The following ADGRL2 variants were observed in gnomAD, a reference collection of about 807,000 sequenced individuals.
ADGRL2 encodes adhesion G protein-coupled receptor L2.
Under a neutral mutation model 157.4 loss-of-function variants are expected in ADGRL2, and 44 were observed. The observed-to-expected ratio is 0.28, with a 90% CI of 0.22 to 0.36. ADGRL2 has a LOEUF of 0.36. ADGRL2 is among the 10% of genes least tolerant of loss of function. The pLI, the probability that ADGRL2 is intolerant of heterozygous loss-of-function variation, is 1.00. For missense variants in ADGRL2, 1,510 were observed against 1,768.9 expected (o/e 0.85, Z 2.63); for synonymous variants, 585 against 624.7 (o/e 0.94, Z 0.95).
intron 1 of ADGRL2, among the ~76,000 whole-genome samples, chr1:81,803,212 C>A (rs930624659): frequency 1.3e-5 from 2 of 151,972 alleles, no homozygotes; most frequent in Non-Finnish European, 2.9e-5. Flanking sequence ...CCCGCGCTGC[C>A]CGAGCGTGGG....
At chr1:81,399,895 A>G (rs1276331804) in intron 1 of ADGRL2, among the ~76,000 whole-genome samples, 1 of 152,038 alleles carries the variant, frequency 6.6e-6, no homozygotes, top group Admixed American at 6.5e-5. Context: ...ATGTCTGTGC[A>G]TCTGGTGGAG....
chr1:81,403,040 A>G (rs2076784531), intron 1 of ADGRL2, among the ~76,000 whole-genome samples: 1 of 152,248 alleles, frequency 6.6e-6, no homozygotes, highest in Non-Finnish European at 1.5e-5. Flanking sequence ...TGTAATAAAA[A>G]CTGTGACAAG....
At chr1:81,630,614 T>TTCCACAATGAAACCAGCA (rs1553132617) in intron 3 of ADGRL2, among the ~76,000 whole-genome samples, 1 of 152,206 alleles carries the variant, frequency 6.6e-6, no homozygotes, top group Non-Finnish European at 1.5e-5. Flanking sequence ...ATTTTAAACT[T>TTCCACAATGAAACCAGCA]TCCACAATGA....
intron 3 of ADGRL2, among the ~76,000 whole-genome samples, chr1:81,911,393 A>G (rs950240056): frequency 2.6e-5 from 4 of 152,172 alleles, no homozygotes; most frequent in African/African-American, 7.2e-5. Flanking sequence ...AAATCCTACT[A>G]TTACTTTGAA....
chr1:81,376,901 AC>A (rs1306197542), intron 1 of ADGRL2, among the ~76,000 whole-genome samples: 1 of 152,160 alleles, frequency 6.6e-6, no homozygotes, highest in Non-Finnish European at 1.5e-5. Context: ...ATCCAAAACA[AC>A]CAGGCTTGAT....
chr1:81,418,199 A>G (rs1481000885), intron 1 of ADGRL2, among the ~76,000 whole-genome samples: 1 of 136,968 alleles, frequency 7.3e-6, no homozygotes, highest in Non-Finnish European at 1.6e-5. Context: ...AACAAACAAA[A>G]AGGAATAGAT....
intron 8 of ADGRL2, among the ~76,000 whole-genome samples, chr1:81,951,365 T>A (rs1001766306): frequency 8.5e-5 from 13 of 152,170 alleles, no homozygotes; most frequent in Admixed American, 8.5e-4. Flanking sequence ...CATATTTAGT[T>A]CTGTTTCTTT....
intron 1 of ADGRL2, among the ~76,000 whole-genome samples, chr1:81,405,330 GC>G (rs1434787067): frequency 2.6e-5 from 4 of 152,102 alleles, no homozygotes; most frequent in Admixed American, 2.6e-4. Flanking sequence ...TGGATGTACT[GC>G]CACATATTCA....
intron 2 of ADGRL2, among the ~76,000 whole-genome samples, chr1:81,762,826 G>C (rs999318147): frequency 2.0e-5 from 3 of 152,026 alleles, no homozygotes; most frequent in Non-Finnish European, 4.4e-5. Flanking sequence ...GCCGAGGCAG[G>C]CAGATCACGA....
chr1:81,961,760 T>C (rs2149227441), intron 11 of ADGRL2, among the ~76,000 whole-genome samples: 1 of 152,272 alleles, frequency 6.6e-6, no homozygotes, highest in Non-Finnish European at 1.5e-5. Context: ...TCCGCCTGCC[T>C]CAGCCTCCCA....
chr1:81,313,829 T>C (rs904183337), intron 1 of ADGRL2, among the ~76,000 whole-genome samples: 2 of 152,160 alleles, frequency 1.3e-5, no homozygotes, highest in African/African-American at 4.8e-5. Flanking sequence ...AAACACAGAC[T>C]GCCATTGATT....
chr1:81,959,194 T>C (rs1447416345), intron 11 of ADGRL2, among the ~76,000 whole-genome samples: 1 of 152,180 alleles, frequency 6.6e-6, no homozygotes, highest in African/African-American at 2.4e-5. Flanking sequence ...ATTTTATTTT[T>C]AGTGGTTCTT....
intron 1 of ADGRL2, among the ~76,000 whole-genome samples, chr1:81,416,350 C>T (rs2077034641): frequency 1.3e-5 from 2 of 149,188 alleles, no homozygotes; most frequent in Admixed American, 6.7e-5. Context: ...AAAGAAAAAA[C>T]ACAAAATTTA....
intron 2 of ADGRL2, among the ~76,000 whole-genome samples, chr1:81,879,962 G>A (rs2093944682): frequency 6.6e-6 from 1 of 152,172 alleles, no homozygotes; most frequent in Non-Finnish European, 1.5e-5. Context: ...TGGAGGTGGA[G>A]GTTGCAGTGA....
At chr1:81,371,846 G>T (rs765528416) in intron 1 of ADGRL2, among the ~76,000 whole-genome samples, 31 of 152,108 alleles carry the variant, frequency 2.0e-4, no homozygotes, top group Non-Finnish European at 3.7e-4. Context: ...CGAGTATTAT[G>T]ATAATTGCTG....
At chr1:81,702,913 A>C (rs1245677015) in intron 1 of ADGRL2, among the ~76,000 whole-genome samples, 1 of 152,208 alleles carries the variant, frequency 6.6e-6, no homozygotes, top group Non-Finnish European at 1.5e-5. Flanking sequence ...TTTGTAAAGA[A>C]GAAAGTAGAG....
intron 2 of ADGRL2, among the ~76,000 whole-genome samples, chr1:81,510,967 A>T (rs1236844552): frequency 1.3e-5 from 2 of 152,158 alleles, no homozygotes; most frequent in East Asian, 3.9e-4. Flanking sequence ...AATCATATTA[A>T]CTCTGAATAT....
At chr1:81,959,512 A>C (rs9438720) in intron 11 of ADGRL2, among the ~76,000 whole-genome samples, 106,219 of 151,878 alleles carry the variant, frequency 0.7, 37,636 homozygotes, top group East Asian at 0.84. Flanking sequence ...TTAAAAATTC[A>C]CCTTACTGAG....
intron 3 of ADGRL2, among the ~76,000 whole-genome samples, chr1:81,934,249 A>G (rs2095276947): frequency 6.6e-6 from 1 of 152,142 alleles, no homozygotes; most frequent in East Asian, 1.9e-4. Flanking sequence ...GGACTACTGC[A>G]AAGTTGTTCA....
Sources: allele counts gnomAD v4.1 joint callset (sites outside exome capture counted in the v4.1 genomes callset), GRCh38; gene constraint gnomAD v4.1.1; transcripts MANE v1.5; gene names NCBI Gene and HGNC (gene_info 2026-07-23, HGNC 2026-07-21).